GRIA2: variants seen among roughly 807,000 people sequenced by gnomAD.
GRIA2 encodes glutamate ionotropic receptor AMPA type subunit 2, also known as glutamate receptor 2.
Under a neutral mutation model 97.3 loss-of-function variants are expected in GRIA2, and 14 were observed. The observed-to-expected ratio is 0.14, with a 90% confidence interval of 0.10 to 0.23. The LOEUF is 0.23. GRIA2 is among the 10% of genes least tolerant of loss of function. The probability of loss-of-function intolerance (pLI) is 1.00; values close to 1 mark genes in which losing one functional copy is unlikely to be tolerated. For synonymous variants in GRIA2, 412 were observed against 387.8 expected, an observed-to-expected ratio of 1.06 and a Z score of -0.73; for missense variants, 558 against 1,069.8, an observed-to-expected ratio of 0.52 and a Z score of 6.67.
At chr4:157,353,984 A>G (rs1451844234) in intron 12 of GRIA2, among the ~76,000 whole-genome samples, 3 of 152,214 alleles carry the variant, frequency 2.0e-5, no homozygotes, top group Non-Finnish European at 4.4e-5. Flanking sequence ...GTGAGTTTTC[A>G]TATAAAATGT....
intron 12 of GRIA2, among the ~76,000 whole-genome samples, chr4:157,348,827 T>A (rs2126966985): frequency 6.6e-6 from 1 of 152,332 alleles, no homozygotes; most frequent in Non-Finnish European, 1.5e-5. Flanking sequence ...AATTATATGC[T>A]TTTCAAAATG....
At chr4:157,277,034 T>A (rs1381398734) in intron 2 of GRIA2, among the ~76,000 whole-genome samples, 1 of 151,848 alleles carries the variant, frequency 6.6e-6, no homozygotes, top group Admixed American at 6.6e-5. Context: ...ATTTTTCAGG[T>A]CTTTTTATAA....
intron 15 of GRIA2, 168 bp from the exon 16 acceptor site, chr4:157,363,267 A>C (rs1306211277): frequency 5.0e-6 from 3 of 600,314 alleles, no homozygotes; most frequent in Non-Finnish European, 8.1e-6. Context: ...TCCTGCCATA[A>C]TTGTGCTTTA....
intron 2 of GRIA2, among the ~76,000 whole-genome samples, chr4:157,236,263 A>T (rs551056566): frequency 4.0e-5 from 6 of 151,750 alleles, no homozygotes; most frequent in South Asian, 2.1e-4. Context: ...ATGGTAATTT[A>T]AAAAAAACAC....
intron 2 of GRIA2, among the ~76,000 whole-genome samples, chr4:157,258,456 C>G (rs888902810): frequency 2.0e-5 from 3 of 152,030 alleles, no homozygotes; most frequent in Non-Finnish European, 4.4e-5. Flanking sequence ...AAATTCCCAC[C>G]TAATAAATTT....
chr4:157,355,933 T>TTAA (rs1736298093), intron 12 of GRIA2, among the ~76,000 whole-genome samples: 13 of 23,470 alleles, frequency 5.5e-4, no homozygotes, highest in South Asian at 2.1e-3. Flanking sequence ...TTATATATAT[T>TTAA]TATATATTAA....
In GRIA2 at chr4:157,317,674, A is replaced by G; in HGVS notation, c.683A>G (p.Lys228Arg). Residue 228 changes from lysine (K) to arginine (R), a missense_variant, in exon 5 of 16, where the codon AAA (lysine) becomes AGA (arginine). Transcript: ENST00000264426. The stretch of plus-strand genomic sequence containing the variant: ...GCTTATTAGGTTATTACCATTGGAA[A>G]ACATGTTAAAGGGTACCACTACATC... ...DIVDQVITIG[K>R]HVKGYHYIIA... The G allele has an allele frequency of 8.1e-7, 1 of 1,232,410 alleles. No individual in the cohort carries two copies. The allele number at this position is 1,232,410 out of a possible 1,614,324, so 76.3% of individuals were successfully genotyped here.
At chr4:157,253,531 CTG>C (rs1430567832) in intron 2 of GRIA2, among the ~76,000 whole-genome samples, 1 of 152,044 alleles carries the variant, frequency 6.6e-6, no homozygotes, top group East Asian at 1.9e-4. Context: ...TCTTCTGAAA[CTG>C]TTTGAGAACT....
intron 2 of GRIA2, among the ~76,000 whole-genome samples, chr4:157,227,857 C>A (rs1729817798): frequency 6.6e-6 from 1 of 151,878 alleles, no homozygotes; most frequent in Admixed American, 6.6e-5. Flanking sequence ...TTGCTGAATT[C>A]AATGTTAAAA....
intron 2 of GRIA2, among the ~76,000 whole-genome samples, chr4:157,252,102 G>T (rs1731046028): frequency 6.6e-6 from 1 of 152,034 alleles, no homozygotes; most frequent in Non-Finnish European, 1.5e-5. Context: ...AAACAATTTT[G>T]CTTAAGAATG....
chr4:157,283,038 G>A (rs1275183810), intron 2 of GRIA2, among the ~76,000 whole-genome samples: 1 of 151,936 alleles, frequency 6.6e-6, no homozygotes, highest in Non-Finnish European at 1.5e-5. Flanking sequence ...GAAATGTGAG[G>A]TTTTAGACTA....
At chr4:157,258,071 G>A (rs935424296) in intron 2 of GRIA2, among the ~76,000 whole-genome samples, 2 of 151,998 alleles carry the variant, frequency 1.3e-5, no homozygotes, top group Non-Finnish European at 2.9e-5. Context: ...TTCCTAAGCT[G>A]AGGATGTATG....
At chr4:157,266,072 G>A (rs1226874486) in intron 2 of GRIA2, among the ~76,000 whole-genome samples, 2 of 152,090 alleles carry the variant, frequency 1.3e-5, no homozygotes, top group Admixed American at 1.3e-4. Context: ...TGATAAGTTA[G>A]AGAGTTATTT....
intron 8 of GRIA2, 125 bp from the exon 9 acceptor site, chr4:157,333,885 A>C: frequency 1.7e-6 from 1 of 595,760 alleles, no homozygotes; most frequent in Non-Finnish European, 3.1e-6. Context: ...AGACATTTCT[A>C]TTTAGAACAA....
chr4:157,277,095 A>T (rs971148152), intron 2 of GRIA2, among the ~76,000 whole-genome samples: 1 of 151,884 alleles, frequency 6.6e-6, no homozygotes, highest in Admixed American at 6.6e-5. Context: ...AAACCAGAAA[A>T]CTACAGATCA....
rs1396774825 is a variant in GRIA2 at position 157,365,261 on chromosome 4, GTAATA to G, written c.*1840_*1844del. The G allele has an allele frequency of 2.0e-5, 3 of 151,792 alleles. No homozygotes were observed. The highest frequency in any genetic ancestry group is 7.3e-5 in the African/African-American group (3 of 41,364). 9.4% of individuals were successfully genotyped at this position (151,792 alleles called of 1,614,324 possible). ...GCTGTCCCTAATCACAGATCCTAAG[GTAATA>G]TAATATAATTTTAGTGCATTTCTCC... On this transcript the variant is annotated 3_prime_UTR_variant, in exon 16 of 16. Coordinates refer to ENST00000264426, the MANE Select transcript of GRIA2 (RefSeq NM_001083619.3).
chr4:157,244,890 T>C (rs1730661653), intron 2 of GRIA2, among the ~76,000 whole-genome samples: 1 of 151,976 alleles, frequency 6.6e-6, no homozygotes, highest in Non-Finnish European at 1.5e-5. Context: ...AGCTATGTCT[T>C]TGATTACATG....
At chr4:157,340,309 T>A (rs1363580996) in intron 11 of GRIA2, among the ~76,000 whole-genome samples, 1 of 151,930 alleles carries the variant, frequency 6.6e-6, no homozygotes, top group African/African-American at 2.4e-5. Flanking sequence ...GTTTTATTGG[T>A]TTGTCAATAT....
intron 2 of GRIA2, among the ~76,000 whole-genome samples, chr4:157,283,914 G>C (rs955915245): frequency 6.6e-6 from 1 of 151,862 alleles, no homozygotes; most frequent in Non-Finnish European, 1.5e-5. Context: ...GTTTAGAGTT[G>C]TAATAAATGA....
Sources: gnomAD v4.1 joint callset for allele counts (sites outside exome capture counted in the v4.1 genomes callset) on GRCh38, gnomAD v4.1.1 for gene constraint, MANE v1.5 for transcripts, NCBI Gene and HGNC (gene_info 2026-07-23, HGNC 2026-07-21) for gene names.